COBLL1: variants seen among roughly 807,000 people sequenced by gnomAD.
The protein encoded by COBLL1 is cordon-bleu protein-like 1.
A neutral mutation model predicts 94.8 loss-of-function variants in COBLL1; 50 were observed. That is an observed-to-expected ratio of 0.53 (90% CI 0.42 to 0.67). The LOEUF is 0.67. COBLL1 is among the 30% of genes least tolerant of loss of function. COBLL1 has a pLI of 0.00. For synonymous variants in COBLL1, 448 were observed against 473.8 expected (o/e 0.95, Z 0.71); for missense variants, 1,362 against 1,348.7 (o/e 1.01, Z -0.15).
intron 4 of COBLL1, among the ~76,000 whole-genome samples, 193 bp from the exon 5 acceptor site, chr2:164,728,390 A>G (rs1409601332): frequency 6.6e-6 from 1 of 152,136 alleles, no homozygotes; most frequent in African/African-American, 2.4e-5. Flanking sequence ...AAGCAAACAC[A>G]TTAGTTTATT....
intron 2 of COBLL1, among the ~76,000 whole-genome samples, chr2:164,768,870 A>T (rs1407364339): frequency 6.6e-6 from 1 of 152,220 alleles, no homozygotes; most frequent in African/African-American, 2.4e-5. Flanking sequence ...ACGATGGCAC[A>T]CTAAGCAAAG....
At chr2:164,721,430 A>G (rs1685436162) in intron 7 of COBLL1, among the ~76,000 whole-genome samples, 1 of 152,218 alleles carries the variant, frequency 6.6e-6, no homozygotes. Context: ...GATCTCCACA[A>G]AATGGCAAAC....
intron 2 of COBLL1, among the ~76,000 whole-genome samples, chr2:164,805,336 T>TATATTTATATATATATATATATATATATA (rs1559033598): frequency 3.3e-5 from 2 of 60,354 alleles, no homozygotes; most frequent in African/African-American, 1.3e-4. Flanking sequence ...TCTCTCTCTC[T>TATATTTATATATATATATATATATATATA]CTATATATAT....
intron 13 of COBLL1, among the ~76,000 whole-genome samples, chr2:164,688,694 T>C (rs982351547): frequency 6.6e-6 from 1 of 152,122 alleles, no homozygotes; most frequent in African/African-American, 2.4e-5. Context: ...AACTCTTTGG[T>C]TGTTCAAATT....
intron 2 of COBLL1, among the ~76,000 whole-genome samples, chr2:164,839,488 CA>C (rs1229210498): frequency 6.6e-6 from 1 of 152,142 alleles, no homozygotes; most frequent in Admixed American, 6.5e-5. Context: ...TGCTTGCCAG[CA>C]AAAAGTGTTC....
At chr2:164,697,444 T>C (rs774134864) in intron 11 of COBLL1, 4 of 152,166 alleles carry the variant, frequency 2.6e-5, no homozygotes, top group Non-Finnish European at 5.9e-5. Context: ...TATTTTTCAA[T>C]GTTCATATGA....
At chr2:164,813,454 A>T (rs1378046505) in intron 2 of COBLL1, among the ~76,000 whole-genome samples, 1 of 152,146 alleles carries the variant, frequency 6.6e-6, no homozygotes, top group African/African-American at 2.4e-5. Flanking sequence ...AGATAGAAAC[A>T]GCATTATTTT....
In COBLL1 at chr2:164,680,856, G is replaced by A. The variant is rs1198797311; in HGVS notation, c.*5090C>T. The A allele has an allele frequency of 2.6e-5, 4 of 152,086 alleles. No individual in the cohort carries two copies. The East Asian group carries it at 7.7e-4, about 29-fold the overall frequency. The allele number at this position is 152,086 out of a possible 1,614,324, so 9.4% of individuals were successfully genotyped here. A position where few individuals can be genotyped will look rare whatever the true frequency, so the allele number is the denominator to read the frequency against. ...AGACAAATTTAATGACCTTCTGAAG[G>A]GGGTCTAGATGACTTTGACAGCTGG... On this transcript the variant is annotated 3_prime_UTR_variant, in exon 14 of 14. Coordinates refer to ENST00000652658, the MANE Select transcript of COBLL1 (RefSeq NM_001365672.2).
intron 2 of COBLL1, among the ~76,000 whole-genome samples, chr2:164,838,701 T>C (rs571421255): frequency 6.6e-6 from 1 of 152,288 alleles, no homozygotes; most frequent in South Asian, 2.1e-4. Flanking sequence ...TAAAATGACA[T>C]GTTACAACAA....
chr2:164,718,863 C>T (rs936811078), intron 7 of COBLL1, among the ~76,000 whole-genome samples: 1 of 151,956 alleles, frequency 6.6e-6, no homozygotes, highest in Admixed American at 6.6e-5. Flanking sequence ...ATTTTTGCAT[C>T]AGCAACAATA....
intron 7 of COBLL1, among the ~76,000 whole-genome samples, chr2:164,709,632 C>T (rs1165444117): frequency 2.0e-5 from 3 of 152,042 alleles, no homozygotes; most frequent in Non-Finnish European, 4.4e-5. Context: ...GCAGAAGAAT[C>T]GCTTGAACCC....
intron 2 of COBLL1, among the ~76,000 whole-genome samples, chr2:164,795,284 T>C (rs923240748): frequency 6.6e-6 from 1 of 152,294 alleles, no homozygotes; most frequent in South Asian, 2.1e-4. Flanking sequence ...AAGAATATTA[T>C]GCATATATAT....
chr2:164,756,696 A>AGAAGAT (rs1249977268), intron 2 of COBLL1, among the ~76,000 whole-genome samples: 1 of 152,146 alleles, frequency 6.6e-6, no homozygotes, highest in Non-Finnish European at 1.5e-5. Context: ...AGCTCACTAA[A>AGAAGAT]TACATACAGT....
rs762100904 is a variant in COBLL1, at chr2:164,694,949, G to A, written c.2443C>T (p.Pro815Ser). ...AGAGGACTAACCATGGCATCATCAG[G>A]TGAGCTCACAGAACTGGGCACTTGA... ...EHQVPSSVSSPDDAMVSPLKP... is the reference protein window; with the variant it reads ...EHQVPSSVSSSDDAMVSPLKP... Residue 815 changes from proline (P) to serine (S), a missense_variant, in exon 12 of 14, where the codon CCT becomes TCT. Coordinates refer to ENST00000652658, the MANE Select transcript of COBLL1 (RefSeq NM_001365672.2). 1.2e-6 allele frequency: 2 copies of A among 1,613,992 alleles called. No homozygotes were observed. The highest frequency in any genetic ancestry group is 1.7e-6 in the Non-Finnish European group (2 of 1,179,936).
At chr2:164,744,645 C>A (rs1686776230) in intron 2 of COBLL1, among the ~76,000 whole-genome samples, 1 of 152,108 alleles carries the variant, frequency 6.6e-6, no homozygotes, top group South Asian at 2.1e-4. Context: ...CATGGTGAGA[C>A]CCTATCTCAA....
chr2:164,729,941 C>A lies in COBLL1; in HGVS notation c.405G>T (p.Lys135Asn). ...CTGGTATTATAGGTGTAGGTTTTTT[C>A]TTATCCAACATTTTTGGCTTTAAAA... ...KVILKPKMLD[K>N]KKPTPIIPEK... The change falls in exon 4 of 14, where the codon AAG becomes AAT. Residue 135 changes from lysine to asparagine, a missense_variant. Coordinates refer to ENST00000652658, the MANE Select transcript of COBLL1 (RefSeq NM_001365672.2). 1 of 1,613,664 alleles carries A rather than the reference C, an allele frequency of 6.2e-7. No individual in the cohort carries two copies. Among genetic ancestry groups the A allele is most frequent in the South Asian group, 1.1e-5 (1 of 91,066 alleles).
intron 2 of COBLL1, among the ~76,000 whole-genome samples, chr2:164,658,453 T>C (rs1209170182): frequency 6.6e-6 from 1 of 152,138 alleles, no homozygotes; most frequent in Non-Finnish European, 1.5e-5. Flanking sequence ...GGACTGCATC[T>C]GGGGCTCCAT....
chr2:164,832,188 A>T (rs1390744616), intron 2 of COBLL1, among the ~76,000 whole-genome samples: 1 of 152,236 alleles, frequency 6.6e-6, no homozygotes, highest in Non-Finnish European at 1.5e-5. Flanking sequence ...TCCTCAAGGA[A>T]TGTCGATAAA....
intron 2 of COBLL1, among the ~76,000 whole-genome samples, chr2:164,815,773 T>C (rs1684705117): frequency 6.6e-6 from 1 of 152,104 alleles, no homozygotes; most frequent in African/African-American, 2.4e-5. Context: ...ATATTATTCA[T>C]TCTAACACAG....
Sources: gnomAD v4.1 joint callset for allele counts (sites outside exome capture counted in the v4.1 genomes callset) on GRCh38, gnomAD v4.1.1 for gene constraint, MANE v1.5 for transcripts, NCBI Gene and HGNC (gene_info 2026-07-23, HGNC 2026-07-21) for gene names.